PRKG1: variants seen among roughly 807,000 people sequenced by gnomAD.
The protein encoded by PRKG1 is protein kinase cGMP-dependent 1.
PRKG1 carries 35 observed loss-of-function variants against 88.1 expected under a neutral mutation model. That is an observed-to-expected ratio of 0.40 (90% CI 0.30 to 0.53). The LOEUF is 0.53. PRKG1 is among the 20% of genes least tolerant of loss of function. The pLI is 0.59. For synonymous variants in PRKG1, 303 were observed against 292.5 expected, an observed-to-expected ratio of 1.04 and a Z score of -0.37; for missense variants, 540 against 839.8, an observed-to-expected ratio of 0.64 and a Z score of 4.41.
At chr10:52,083,110 A>T (rs115491775) in intron 7 of PRKG1, among the ~76,000 whole-genome samples, 2,578 of 152,142 alleles carry the variant, frequency 0.017, 72 homozygotes, top group African/African-American at 0.057. Context: ...GCACACTGTC[A>T]TTTATTCTCT....
intron 17 of PRKG1, among the ~76,000 whole-genome samples, chr10:52,291,939 G>T (rs10824338): frequency 0.55 from 83,026 of 151,668 alleles, 23,061 homozygotes; most frequent in Non-Finnish European, 0.61. Flanking sequence ...TTTAATGATC[G>T]CCATTCTAAC....
At chr10:51,832,259 G>A (rs547547653) in intron 4 of PRKG1, among the ~76,000 whole-genome samples, 6 of 152,298 alleles carry the variant, frequency 3.9e-5, no homozygotes, top group African/African-American at 1.4e-4. Flanking sequence ...TTAAATTCAT[G>A]CTTATTACAC....
At chr10:51,219,534 C>T (rs983711383) in intron 2 of PRKG1, among the ~76,000 whole-genome samples, 1 of 151,652 alleles carries the variant, frequency 6.6e-6, no homozygotes, top group African/African-American at 2.4e-5. Context: ...ATAGTGAAAC[C>T]CCGTCTCTAC....
rs1453472311 is a variant in PRKG1, at chr10:51,312,747, T to TCATA, written c.479-154975_479-154972dup. On this transcript the variant is annotated intron_variant, in intron 2 of 17. Transcript: ENST00000373980. The stretch of plus-strand genomic sequence containing the variant: ...CATATACCTAAACTTATTTATAGAC[T>TCATA]CATAGCTGATGAATGAACCTTCACA... 2.0e-5 allele frequency among the ~76,000 whole-genome samples: 3 copies of TCATA among 151,326 alleles called. No individual in the cohort carries two copies. The East Asian group carries it at 6.0e-4, about 30-fold the overall frequency.
At chr10:51,266,931 T>A (rs1294402743) in intron 2 of PRKG1, among the ~76,000 whole-genome samples, 1 of 152,152 alleles carries the variant, frequency 6.6e-6, no homozygotes, top group Non-Finnish European at 1.5e-5. Context: ...TATCATAGGA[T>A]CTGATTTAGA....
At chr10:51,010,843 C>G (rs1842985482) in intron 1 of PRKG1, among the ~76,000 whole-genome samples, 1 of 152,178 alleles carries the variant, frequency 6.6e-6, no homozygotes, top group African/African-American at 2.4e-5. Context: ...ACTCTCTTTC[C>G]TTAATTTACA....
At chr10:52,005,541 G>A (rs2246714) in intron 5 of PRKG1, among the ~76,000 whole-genome samples, 106,306 of 151,970 alleles carry the variant, frequency 0.7, 37,285 homozygotes, top group East Asian at 0.92. Flanking sequence ...GCCTGCTTCT[G>A]TTTGAACTCA....
intron 7 of PRKG1, among the ~76,000 whole-genome samples, chr10:52,074,327 A>G (rs1846578938): frequency 6.6e-6 from 1 of 152,174 alleles, no homozygotes; most frequent in Non-Finnish European, 1.5e-5. Context: ...TCAGCTTTTT[A>G]TAGAAGATTG....
At chr10:51,318,003 T>C (rs1177270599) in intron 2 of PRKG1, among the ~76,000 whole-genome samples, 2 of 152,208 alleles carry the variant, frequency 1.3e-5, no homozygotes, top group Admixed American at 6.6e-5. Context: ...CCTTTCATCC[T>C]CTGTGCTGTG....
intron 7 of PRKG1, among the ~76,000 whole-genome samples, chr10:52,085,107 A>G (rs1442858979): frequency 6.6e-6 from 1 of 152,076 alleles, no homozygotes; most frequent in African/African-American, 2.4e-5. Flanking sequence ...CTCACTGGTG[A>G]TATTAATTTA....
intron 1 of PRKG1, among the ~76,000 whole-genome samples, chr10:51,095,102 A>G (rs996747312): frequency 2.0e-5 from 3 of 152,148 alleles, no homozygotes; most frequent in South Asian, 4.1e-4. Context: ...TACCCCCTTC[A>G]TTATACAATT....
chr10:51,393,103 G>C (rs1156878600), intron 2 of PRKG1, among the ~76,000 whole-genome samples: 1 of 144,190 alleles, frequency 6.9e-6, no homozygotes, highest in Non-Finnish European at 1.5e-5. Context: ...CTTCTCAGAC[G>C]GGGCGGTTGC....
intron 4 of PRKG1, among the ~76,000 whole-genome samples, chr10:51,832,319 C>A (rs564540511): frequency 2.0e-5 from 3 of 152,130 alleles, no homozygotes; most frequent in East Asian, 1.9e-4. Context: ...TTATTAAGCA[C>A]CTTCATGTGC....
At position 52,105,191 on chromosome 10, in the gene PRKG1, T is replaced by G. The variant is rs560766620; in HGVS notation, c.936-28649T>G. On this transcript the variant is annotated intron_variant, in intron 7 of 17. Coordinates refer to ENST00000373980, the MANE Select transcript of PRKG1 (RefSeq NM_006258.4). ...GTTTGGTGAAATTAAGAGACAACTG[T>G]TTTTTTTTTTATTACCAATTGGAAG... 3.7e-5 allele frequency among the ~76,000 whole-genome samples: 5 copies of G among 135,288 alleles called. No individual in the cohort carries two copies. In the East Asian group the frequency reaches 6.0e-4, roughly 16 times the overall value. 88.8% of individuals were successfully genotyped at this position (135,288 alleles called of 152,430 possible). A position where few individuals can be genotyped will look rare whatever the true frequency, so the allele number is the denominator to read the frequency against.
intron 3 of PRKG1, among the ~76,000 whole-genome samples, chr10:51,635,624 T>C (rs1017161658): frequency 2.0e-5 from 3 of 152,150 alleles, no homozygotes. Context: ...CCTAGACAGA[T>C]GGCCATTTTG....
intron 1 of PRKG1, among the ~76,000 whole-genome samples, chr10:51,114,321 T>C (rs1241544783): frequency 6.6e-6 from 1 of 152,158 alleles, no homozygotes; most frequent in African/African-American, 2.4e-5. Context: ...GCTTCATTGA[T>C]ATATTTTGTT....
intron 3 of PRKG1, among the ~76,000 whole-genome samples, chr10:51,709,909 T>G (rs757861281): frequency 3.3e-5 from 5 of 150,388 alleles, no homozygotes; most frequent in Non-Finnish European, 5.9e-5. Context: ...CCTGACACAT[T>G]TCGTAGCAGC....
chr10:51,783,093 CAAAAT>C (rs1435910728), intron 3 of PRKG1, among the ~76,000 whole-genome samples: 12 of 151,926 alleles, frequency 7.9e-5, no homozygotes, highest in African/African-American at 2.7e-4. Context: ...TAGAAAAAAA[CAAAAT>C]AAAACTATTC....
At chr10:51,297,861 G>T (rs1477087133) in intron 2 of PRKG1, among the ~76,000 whole-genome samples, 1 of 151,920 alleles carries the variant, frequency 6.6e-6, no homozygotes, top group African/African-American at 2.4e-5. Flanking sequence ...TTTCTCTTTA[G>T]TATAAGGCAT....
Sources: gnomAD v4.1 joint callset for allele counts (sites outside exome capture counted in the v4.1 genomes callset) on GRCh38, gnomAD v4.1.1 for gene constraint, MANE v1.5 for transcripts, NCBI Gene and HGNC (gene_info 2026-07-23, HGNC 2026-07-21) for gene names.